Variants in DCAF6 observed in about 807,000 individuals in gnomAD.
DCAF6 encodes DDB1- and CUL4-associated factor 6.
Under a neutral mutation model 125.1 loss-of-function variants are expected in DCAF6, and 54 were observed. The observed-to-expected ratio is 0.43, with a 90% CI of 0.35 to 0.54. DCAF6 has a LOEUF of 0.54. DCAF6 is among the 20% of genes least tolerant of loss of function. DCAF6 has a pLI of 0.01. For missense variants in DCAF6, 934 were observed against 1,161.7 expected (o/e 0.80, Z 2.85); for synonymous variants, 371 against 390.4 (o/e 0.95, Z 0.58).
intron 4 of DCAF6, 37 bp from the exon 5 acceptor site, chr1:167,987,458 T>C (rs771736321): frequency 1.3e-5 from 13 of 990,868 alleles, no homozygotes. Flanking sequence ...TGTTTAAATG[T>C]TCGTATGATT....
At chr1:168,012,829 A>C (rs1375332724) in intron 10 of DCAF6, among the ~76,000 whole-genome samples, 3 of 152,226 alleles carry the variant, frequency 2.0e-5, no homozygotes, top group Non-Finnish European at 4.4e-5. Flanking sequence ...ATGGTTCATA[A>C]GATTATCACA....
chr1:167,924,606 T>TCA, the DCAF6 span: 3 of 1,143,638 alleles, frequency 2.6e-6, no homozygotes, highest in Non-Finnish European at 3.6e-6. Context: ...TTAACAGCTG[T>TCA]CACCAAATTT....
rs78553015 is a variant in DCAF6 at position 167,970,376 on chromosome 1, G to A, written c.252+3655G>A. 7.6e-4 allele frequency among the ~76,000 whole-genome samples: 116 copies of A among 152,288 alleles called. No homozygotes were observed. In the East Asian group the frequency reaches 0.014, roughly 18 times the overall value. ...TTTAAAGATTATAATCATAGGCCAA[G>A]TGTGTGGCTCACGCTTATAATCCCA... On this transcript the variant is annotated intron_variant, in intron 3 of 21. Coordinates refer to ENST00000367840, the MANE Select transcript of DCAF6 (RefSeq NM_001198956.2).
At chr1:167,885,436 T>G in the DCAF6 span, among the ~76,000 whole-genome samples, 1 of 152,230 alleles carries the variant, frequency 6.6e-6, no homozygotes, top group African/African-American at 2.4e-5. Context: ...TTTTTCCACA[T>G]CCTGTCCAGC....
intron 19 of DCAF6, 45 bp downstream of exon 19, chr1:168,065,791 A>C: frequency 6.5e-7 from 1 of 1,531,846 alleles, no homozygotes; most frequent in Non-Finnish European, 8.9e-7. Flanking sequence ...TATTTGTATG[A>C]CTCATCAGTC....
chr1:168,035,986 C>T (rs186840115), intron 12 of DCAF6, among the ~76,000 whole-genome samples: 67 of 152,104 alleles, frequency 4.4e-4, no homozygotes, highest in African/African-American at 1.4e-3. Flanking sequence ...TGCTGGAACC[C>T]GGGAGGCGGA....
the DCAF6 span, chr1:167,883,536 T>C: frequency 6.2e-7 from 1 of 1,614,264 alleles, no homozygotes; most frequent in Non-Finnish European, 8.5e-7. Flanking sequence ...CTATCTCTTC[T>C]GCTTTGTCTT....
chr1:168,006,078 G>T (rs1683291788), intron 10 of DCAF6, among the ~76,000 whole-genome samples: 1 of 152,092 alleles, frequency 6.6e-6, no homozygotes, highest in African/African-American at 2.4e-5. Context: ...GGAAAACTTA[G>T]CAAGAAGACT....
At chr1:168,025,708 A>T (rs554742426) in intron 12 of DCAF6, among the ~76,000 whole-genome samples, 1 of 152,278 alleles carries the variant, frequency 6.6e-6, no homozygotes, top group Admixed American at 6.5e-5. Context: ...TAATGGAATA[A>T]TCCCTTTACT....
the DCAF6 span, among the ~76,000 whole-genome samples, chr1:167,897,640 C>A: frequency 0.14 from 3,276 of 24,090 alleles, 1,638 homozygotes; most frequent in South Asian, 0.2. Context: ...TCTTGTGTCA[C>A]GGTCACTGCA....
chr1:168,056,448 C>T (rs1162822623), intron 17 of DCAF6: 1 of 1,306,986 alleles, frequency 7.7e-7, no homozygotes, highest in Non-Finnish European at 9.9e-7. Context: ...GGGGTCGCAG[C>T]GCTACGCCTC....
intron 1 of DCAF6, among the ~76,000 whole-genome samples, chr1:167,951,306 G>A (rs1317238481): frequency 6.6e-6 from 1 of 152,200 alleles, no homozygotes; most frequent in Non-Finnish European, 1.5e-5. Context: ...CGGGCGTGGT[G>A]GCTCACACCT....
At chr1:168,013,094 A>G (rs12408205) in intron 10 of DCAF6, among the ~76,000 whole-genome samples, 30,932 of 152,168 alleles carry the variant, frequency 0.2, 3,853 homozygotes, top group Admixed American at 0.36. Flanking sequence ...CTGTATAATA[A>G]TGCTTTATTT....
At chr1:168,008,648 C>A (rs1302876220) in intron 10 of DCAF6, among the ~76,000 whole-genome samples, 1 of 151,814 alleles carries the variant, frequency 6.6e-6, no homozygotes, top group African/African-American at 2.4e-5. Context: ...TTTGGAAATA[C>A]AACTACAAAA....
chr1:167,976,270 A>T (rs951734666), intron 4 of DCAF6, among the ~76,000 whole-genome samples: 1 of 152,082 alleles, frequency 6.6e-6, no homozygotes, highest in East Asian at 1.9e-4. Flanking sequence ...GGAATTTGAG[A>T]CCGGCCTGGC....
chr1:168,023,244 C>T (rs1240132398), intron 12 of DCAF6, 197 bp downstream of exon 12: 53 of 588,982 alleles, frequency 9.0e-5, no homozygotes, highest in Non-Finnish European at 1.5e-5. Flanking sequence ...TCTATGTAAG[C>T]TCATTTCTCA....
intron 3 of DCAF6, among the ~76,000 whole-genome samples, chr1:167,970,725 C>T (rs1033623545): frequency 4.6e-5 from 7 of 151,964 alleles, no homozygotes; most frequent in African/African-American, 1.7e-4. Flanking sequence ...GACCATGAGT[C>T]AAATACTACC....
chr1:167,881,418 C>A, the DCAF6 span, among the ~76,000 whole-genome samples: 2 of 152,174 alleles, frequency 1.3e-5, no homozygotes, highest in Non-Finnish European at 2.9e-5. Context: ...TTCTTCAACC[C>A]TCTCCAAAAG....
rs184800198 is a variant in DCAF6, at chr1:168,036,708, G to T, written c.1610-1663G>T. Among the ~76,000 whole-genome samples, 59 of 151,604 alleles carry T rather than the reference G, an allele frequency of 3.9e-4. 1 individual carries two copies. The East Asian group carries it at 0.011, about 28-fold the overall frequency. ...CTTAATACATTTCTGTAAGCTAAAG[G>T]TCTATTAATTCAGTTATTTATCAGA... is the stretch of plus-strand genomic sequence containing the variant. On this transcript the variant is annotated intron_variant, in intron 12 of 21. Coordinates refer to ENST00000367840, the MANE Select transcript of DCAF6 (RefSeq NM_001198956.2).
Sources: allele counts gnomAD v4.1 joint callset (sites outside exome capture counted in the v4.1 genomes callset), GRCh38; gene constraint gnomAD v4.1.1; transcripts MANE v1.5; gene names NCBI Gene and HGNC (gene_info 2026-07-23, HGNC 2026-07-21).